The following MKLN1 variants were observed in gnomAD, a reference collection of about 807,000 sequenced individuals.
MKLN1 encodes the protein muskelin 1.
MKLN1 carries 18 observed loss-of-function variants against 99.0 expected under a neutral mutation model. The ratio of observed to expected loss-of-function variants is 0.18; its 90% CI spans 0.13 to 0.27. The LOEUF (loss-of-function observed/expected upper bound fraction) is 0.27. MKLN1 is among the 10% of genes least tolerant of loss of function. The pLI is 1.00. For synonymous variants in MKLN1, 288 were observed against 293.2 expected (o/e 0.98, Z 0.18); for missense variants, 621 against 875.9 (o/e 0.71, Z 3.67).
chr7:131,437,510 G>C (rs911787322), intron 9 of MKLN1, among the ~76,000 whole-genome samples: 1 of 152,140 alleles, frequency 6.6e-6, no homozygotes, highest in African/African-American at 2.4e-5. Context: ...TATAAACAGA[G>C]TGCCATAAGC....
chr7:131,130,582 CGTA>C (rs1186373214), intron 1 of MKLN1, among the ~76,000 whole-genome samples: 2 of 152,164 alleles, frequency 1.3e-5, no homozygotes, highest in Non-Finnish European at 2.9e-5. Flanking sequence ...AATGTTAATA[CGTA>C]AGAAGATGAC....
chr7:131,142,633 G>A (rs1388564847), intron 1 of MKLN1, among the ~76,000 whole-genome samples: 1 of 151,844 alleles, frequency 6.6e-6, no homozygotes, highest in African/African-American at 2.4e-5. Context: ...TACTCGGGAG[G>A]CTGAGGCAGG....
intron 17 of MKLN1, among the ~76,000 whole-genome samples, chr7:131,486,093 G>C (rs1797266692): frequency 6.6e-6 from 1 of 151,804 alleles, no homozygotes; most frequent in Admixed American, 6.6e-5. Context: ...CATGGAGAGA[G>C]ACAGAGAGAG....
intron 1 of MKLN1, 48 bp downstream of exon 1, chr7:131,328,045 C>T (rs1798941991): frequency 6.3e-7 from 1 of 1,592,748 alleles, no homozygotes; most frequent in Non-Finnish European, 8.5e-7. Flanking sequence ...TCCGCGTCAG[C>T]ACGGTTGGGC....
chr7:131,142,821 G>A (rs1236217486), exon 2 of MKLN1: 1 of 958,980 alleles, frequency 1.0e-6, no homozygotes, highest in African/African-American at 1.7e-5. Context: ...CTTTTCCAGA[G>A]TTCCATATCC....
intron 1 of MKLN1, among the ~76,000 whole-genome samples, chr7:131,332,688 T>G (rs955695642): frequency 2.0e-5 from 3 of 151,998 alleles, no homozygotes; most frequent in Non-Finnish European, 4.4e-5. Context: ...TGTTTGCTGT[T>G]CTGTATTTGC....
chr7:131,344,471 G>A (rs760769098), intron 1 of MKLN1, among the ~76,000 whole-genome samples: 18 of 152,122 alleles, frequency 1.2e-4, no homozygotes, highest in Non-Finnish European at 2.6e-4. Flanking sequence ...TTATGACCCA[G>A]CAATTTCAGT....
intron 1 of MKLN1, among the ~76,000 whole-genome samples, chr7:131,132,131 A>C (rs1179089783): frequency 6.6e-6 from 1 of 152,244 alleles, no homozygotes; most frequent in Non-Finnish European, 1.5e-5. Context: ...TCAATTGTGT[A>C]AATGTTAGAT....
intron 3 of MKLN1, among the ~76,000 whole-genome samples, chr7:131,285,298 C>T (rs1798115417): frequency 6.6e-6 from 1 of 152,196 alleles, no homozygotes; most frequent in African/African-American, 2.4e-5. Flanking sequence ...GAAAAAGGGC[C>T]TCAGCCATAA....
chr7:131,133,351 T>TCC (rs1330021239), intron 1 of MKLN1, among the ~76,000 whole-genome samples: 1 of 133,094 alleles, frequency 7.5e-6, no homozygotes, highest in Non-Finnish European at 1.5e-5. Context: ...CTTTCTTTCT[T>TCC]TCTTTTTTTT....
At chr7:131,448,794 A>G (rs1275389225) in intron 12 of MKLN1, among the ~76,000 whole-genome samples, 1 of 152,228 alleles carries the variant, frequency 6.6e-6, no homozygotes, top group Non-Finnish European at 1.5e-5. Flanking sequence ...GGTTTACACA[A>G]TTGAATTTTC....
intron 6 of MKLN1, 112 bp from the exon 7 acceptor site, chr7:131,411,194 G>A (rs1794862574): frequency 1.7e-6 from 1 of 587,984 alleles, no homozygotes; most frequent in Non-Finnish European, 3.0e-6. Context: ...TTTTGTATTA[G>A]TGACATATTA....
At chr7:131,252,329 C>CTTTTTT (rs60581249) in intron 3 of MKLN1, among the ~76,000 whole-genome samples, 1,743 of 118,442 alleles carry the variant, frequency 0.015, 46 homozygotes, top group Admixed American at 0.018. Flanking sequence ...TTTTTCTTTT[C>CTTTTTT]TTTTTTTTTT....
At chr7:131,309,768 C>T (rs959190322) in intron 3 of MKLN1, 4 of 141,744 alleles carry the variant, frequency 2.8e-5, no homozygotes, top group Non-Finnish European at 6.0e-5. Context: ...CACTGTTGCC[C>T]GGGCTGGAGT....
chr7:131,254,617 C>T (rs948074313), intron 3 of MKLN1, among the ~76,000 whole-genome samples: 3 of 151,436 alleles, frequency 2.0e-5, no homozygotes, highest in African/African-American at 7.3e-5. Context: ...AAAAAAGAAC[C>T]TAATAGAAAT....
At chr7:131,349,343 G>A (rs889751487) in intron 1 of MKLN1, among the ~76,000 whole-genome samples, 32 of 152,022 alleles carry the variant, frequency 2.1e-4, no homozygotes, top group African/African-American at 7.0e-4. Flanking sequence ...CTACAGGTGC[G>A]TGCCACCACG....
At chr7:131,398,349 A>T (rs1794422237) in intron 5 of MKLN1, among the ~76,000 whole-genome samples, 1 of 152,170 alleles carries the variant, frequency 6.6e-6, no homozygotes, top group African/African-American at 2.4e-5. Flanking sequence ...CAGTTAATTG[A>T]GATGTCTACT....
chr7:131,375,448 T>C lies in MKLN1; in HGVS notation c.123T>C (p.Asn41=), dbSNP rs747578317. Residue 41 remains asparagine (N), a synonymous_variant, in exon 2 of 18, where the codon AAT becomes AAC. Transcript: ENST00000352689. The stretch of plus-strand genomic sequence containing the variant: ...GGAACATTTTAGTGGACAAACCAAA[T>C]GACCAATCTTCAAGATGGTCTTCAG... ...LPENILVDKP[N]DQSSRWSSES... 2 of 1,611,614 alleles carry C rather than the reference T, an allele frequency of 1.2e-6. No individual in the cohort carries two copies. The highest frequency in any genetic ancestry group is 1.7e-6 in the Non-Finnish European group (2 of 1,177,948).
chr7:131,300,886 G>A (rs963239300), intron 3 of MKLN1, among the ~76,000 whole-genome samples: 1 of 152,136 alleles, frequency 6.6e-6, no homozygotes, highest in Non-Finnish European at 1.5e-5. Context: ...ATCTTACAAG[G>A]TGGATGTTTA....
Sources: gnomAD v4.1 joint callset for allele counts (sites outside exome capture counted in the v4.1 genomes callset) on GRCh38, gnomAD v4.1.1 for gene constraint, MANE v1.5 for transcripts, NCBI Gene and HGNC (gene_info 2026-07-23, HGNC 2026-07-21) for gene names.